Variants in CEP112 observed in about 807,000 individuals in gnomAD.
CEP112 encodes the protein centrosomal protein of 112 kDa.
In CEP112, 127 loss-of-function variants were observed where a neutral mutation model predicts 153.0. That is an observed-to-expected ratio of 0.83 (90% CI 0.72 to 0.96). The LOEUF (loss-of-function observed/expected upper bound fraction) is 0.96, where lower values mean the gene tolerates loss of function less well. Among genes scored for constraint, CEP112 ranks in the 40% least tolerant of loss-of-function variants. The pLI is 0.00. For synonymous variants in CEP112, 358 were observed against 374.4 expected, an observed-to-expected ratio of 0.96 and a Z score of 0.51; for missense variants, 1,089 against 1,101.2, an observed-to-expected ratio of 0.99 and a Z score of 0.16.
chr17:66,029,210 A>G lies in CEP112; in HGVS notation c.1416T>C (p.Asp472=). Residue 472 remains aspartate, a synonymous_variant, in exon 14 of 27, where the codon GAT becomes GAC. Transcript: ENST00000535342. The stretch of plus-strand genomic sequence containing the variant: ...GTAACAGTTTCATGTTTTGCTCATA[A>G]TCATTTACAAGATGGTCCTTCTCTT... ...LHKEKDHLVN[D]YEQNMKLLQT... 6.2e-7 allele frequency: 1 copy of G among 1,612,080 alleles called. No individual in the cohort carries two copies. The highest frequency in any genetic ancestry group is 1.7e-4 in the Middle Eastern group (1 of 6,046).
intron 24 of CEP112, among the ~76,000 whole-genome samples, chr17:65,686,113 C>CTTT (rs35816434): frequency 3.0e-4 from 31 of 104,316 alleles, no homozygotes; most frequent in Non-Finnish European, 3.5e-4. Flanking sequence ...AAACAACTGG[C>CTTT]TTTTTTTTTT....
intron 17 of CEP112, among the ~76,000 whole-genome samples, chr17:65,994,231 C>T (rs1317277760): frequency 2.6e-5 from 4 of 152,130 alleles, no homozygotes; most frequent in Admixed American, 6.5e-5. Context: ...GAAATGTCAC[C>T]ATGCACTTTT....
At chr17:65,669,658 C>G (rs757998245) in intron 24 of CEP112, among the ~76,000 whole-genome samples, 1 of 152,286 alleles carries the variant, frequency 6.6e-6, no homozygotes, top group East Asian at 1.9e-4. Context: ...AATCCCAGCA[C>G]TTTGGGGGGC....
chr17:65,909,926 C>T (rs765834462), intron 19 of CEP112, among the ~76,000 whole-genome samples: 7 of 152,148 alleles, frequency 4.6e-5, no homozygotes, highest in Non-Finnish European at 7.4e-5. Context: ...GTATCATTCA[C>T]TTTTCCCCCT....
Position 65,963,904 on chromosome 17 carries a change from C to T in CEP112, c.1737-2306G>A, listed in dbSNP as rs146168566. 2.6e-4 allele frequency among the ~76,000 whole-genome samples: 39 copies of T among 152,280 alleles called. No individual in the cohort carries two copies. The East Asian group carries it at 7.3e-3, about 29-fold the overall frequency. On this transcript the variant is annotated intron_variant, in intron 17 of 26. Transcript: ENST00000535342. ...ATAATCATTGCAATCCCATGATAAA[C>T]AAAACAGTTTTTCCACTAAATCCCT...
intron 8 of CEP112, among the ~76,000 whole-genome samples, chr17:66,086,403 T>C (rs2067935151): frequency 3.4e-5 from 4 of 117,634 alleles, no homozygotes; most frequent in South Asian, 3.1e-4. Flanking sequence ...TTTTTTTTTT[T>C]TTTTTTTTTT....
intron 11 of CEP112, among the ~76,000 whole-genome samples, chr17:66,056,598 T>G (rs773848775): frequency 1.2e-4 from 19 of 152,184 alleles, no homozygotes; most frequent in Non-Finnish European, 2.5e-4. Flanking sequence ...AGGGTGAAAC[T>G]TAAAAACATT....
chr17:66,128,684 C>T (rs1425555410), intron 6 of CEP112, among the ~76,000 whole-genome samples: 3 of 152,060 alleles, frequency 2.0e-5, no homozygotes, highest in South Asian at 2.1e-4. Flanking sequence ...AATTTTACTG[C>T]AAAATTACTT....
At chr17:65,705,658 C>T (rs1211521710) in intron 23 of CEP112, among the ~76,000 whole-genome samples, 3 of 152,140 alleles carry the variant, frequency 2.0e-5, no homozygotes, top group African/African-American at 4.8e-5. Context: ...GGACATTCTA[C>T]AGGACAACTG....
At chr17:65,790,641 T>C (rs1453493197) in intron 21 of CEP112, among the ~76,000 whole-genome samples, 1 of 152,162 alleles carries the variant, frequency 6.6e-6, no homozygotes, top group Non-Finnish European at 1.5e-5. Flanking sequence ...GACCTATATT[T>C]TCTAAACACA....
intron 22 of CEP112, among the ~76,000 whole-genome samples, chr17:65,746,165 C>CAAAAAAAAAAAAA (rs56361589): frequency 3.0e-4 from 15 of 49,460 alleles, no homozygotes; most frequent in African/African-American, 1.1e-3. Flanking sequence ...AACTCCATCT[C>CAAAAAAAAAAAAA]AAAAAAAAAA....
intron 12 of CEP112, among the ~76,000 whole-genome samples, chr17:66,052,840 A>G (rs1159604139): frequency 6.6e-6 from 1 of 152,220 alleles, no homozygotes; most frequent in Non-Finnish European, 1.5e-5. Flanking sequence ...GGCGTGGTTG[A>G]TCATGACTGT....
chr17:66,064,015 C>T (rs1318943850), intron 10 of CEP112, among the ~76,000 whole-genome samples: 1 of 152,120 alleles, frequency 6.6e-6, no homozygotes, highest in Non-Finnish European at 1.5e-5. Context: ...TAAAGAATCA[C>T]TAAATCATGA....
At chr17:65,874,912 C>G (rs2058773985) in intron 20 of CEP112, among the ~76,000 whole-genome samples, 1 of 152,040 alleles carries the variant, frequency 6.6e-6, no homozygotes, top group Non-Finnish European at 1.5e-5. Flanking sequence ...GTTAAAGTAT[C>G]TATGGTTTCC....
At chr17:65,954,409 A>G (rs980818151) in intron 18 of CEP112, among the ~76,000 whole-genome samples, 1 of 152,114 alleles carries the variant, frequency 6.6e-6, no homozygotes, top group African/African-American at 2.4e-5. Context: ...CCCAAATAAG[A>G]AGGAACCAGA....
At chr17:65,787,725 T>C (rs1352613359) in intron 21 of CEP112, among the ~76,000 whole-genome samples, 2 of 152,218 alleles carry the variant, frequency 1.3e-5, no homozygotes, top group Admixed American at 1.3e-4. Flanking sequence ...AGCAGAATCA[T>C]TTTTTAAATT....
At chr17:66,101,560 A>G (rs2068570281) in intron 6 of CEP112, among the ~76,000 whole-genome samples, 1 of 152,106 alleles carries the variant, frequency 6.6e-6, no homozygotes, top group African/African-American at 2.4e-5. Context: ...CACAAAATTT[A>G]AAAGGCAGCA....
intron 21 of CEP112, among the ~76,000 whole-genome samples, chr17:65,812,107 C>A (rs2056001685): frequency 6.6e-6 from 1 of 151,876 alleles, no homozygotes; most frequent in South Asian, 2.1e-4. Flanking sequence ...GGGTTCATGC[C>A]ATTCTCCTGC....
intron 19 of CEP112, among the ~76,000 whole-genome samples, chr17:65,918,667 A>G (rs1426877601): frequency 1.3e-5 from 2 of 152,136 alleles, no homozygotes; most frequent in Non-Finnish European, 2.9e-5. Context: ...TTTGTTTCCA[A>G]CTTGAATGAG....
Sources: gnomAD v4.1 joint callset for allele counts (sites outside exome capture counted in the v4.1 genomes callset) on GRCh38, gnomAD v4.1.1 for gene constraint, MANE v1.5 for transcripts, NCBI Gene and HGNC (gene_info 2026-07-23, HGNC 2026-07-21) for gene names.